GPBP1: variants seen among roughly 807,000 people sequenced by gnomAD.
GPBP1 encodes the protein GC-rich promoter binding protein 1, also known as vasculin.
GPBP1 carries 13 observed loss-of-function variants against 56.5 expected under a neutral mutation model. The ratio of observed to expected loss-of-function variants is 0.23; its 90% CI spans 0.15 to 0.37. The LOEUF is 0.37. Ranked by LOEUF, GPBP1 falls within the 10% of genes least tolerant of loss-of-function variation. GPBP1 has a pLI of 1.00. For missense variants in GPBP1, 477 were observed against 572.3 expected (o/e 0.83, Z 1.70); for synonymous variants, 204 against 188.9 (o/e 1.08, Z -0.66).
intron 2 of GPBP1, among the ~76,000 whole-genome samples, chr5:57,177,205 A>C (rs146170980): frequency 6.6e-6 from 1 of 152,162 alleles, no homozygotes; most frequent in Non-Finnish European, 1.5e-5. Context: ...ATTAATTGCT[A>C]TAATAGAAAT....
chr5:57,221,619 G>T (rs2111805288), intron 3 of GPBP1, among the ~76,000 whole-genome samples: 1 of 152,156 alleles, frequency 6.6e-6, no homozygotes, highest in Middle Eastern at 3.4e-3. Flanking sequence ...CAAAAAATGT[G>T]GTGGAACTTT....
intron 2 of GPBP1, among the ~76,000 whole-genome samples, chr5:57,194,279 T>A (rs1290583322): frequency 2.0e-5 from 3 of 152,216 alleles, no homozygotes; most frequent in Admixed American, 6.5e-5. Context: ...TGAGTGTAAT[T>A]TGAGATAATG....
chr5:57,240,695 G>A (rs377335641), intron 6 of GPBP1, among the ~76,000 whole-genome samples: 3 of 152,134 alleles, frequency 2.0e-5, no homozygotes, highest in African/African-American at 4.8e-5. Context: ...CTGTTGGGCC[G>A]GGAGTGGTGG....
intron 3 of GPBP1, among the ~76,000 whole-genome samples, chr5:57,227,068 T>G (rs1756231800): frequency 6.6e-6 from 1 of 151,698 alleles, no homozygotes; most frequent in Admixed American, 6.6e-5. Context: ...TTTTTAACTT[T>G]TGGAGGTGGA....
In GPBP1 at chr5:57,175,932, G is replaced by A; in HGVS notation, c.-526G>A. ...CTTTTTCTGAATGAAGAGATTGAAA[G>A]AATACAGAGTTTTTTTCCTTTTATC... On this transcript the variant is annotated 5_prime_UTR_variant, in exon 2 of 12. Coordinates refer to ENST00000506184, the MANE Select transcript of GPBP1 (RefSeq NM_022913.4). 2.5e-6 allele frequency: 1 copy of A among 398,518 alleles called. No individual in the cohort carries two copies. Among genetic ancestry groups the A allele is most frequent in the Non-Finnish European group, 4.4e-6 (1 of 226,010 alleles). 24.7% of individuals were successfully genotyped at this position (398,518 alleles called of 1,614,324 possible).
At chr5:57,231,396 CTCCA>C in intron 5 of GPBP1, 75 bp downstream of exon 5, 1 of 1,214,118 alleles carries the variant, frequency 8.2e-7, no homozygotes, top group Non-Finnish European at 1.2e-6. Context: ...GCCTCAGCCT[CTCCA>C]GTATCTGGGA....
chr5:57,244,857 C>G (rs1741014395), intron 6 of GPBP1, among the ~76,000 whole-genome samples: 1 of 151,636 alleles, frequency 6.6e-6, no homozygotes, highest in African/African-American at 2.4e-5. Context: ...CCTCAGCCTC[C>G]CGAGTAGCTG....
At chr5:57,199,593 G>A (rs925246978) in intron 2 of GPBP1, among the ~76,000 whole-genome samples, 22 of 151,768 alleles carry the variant, frequency 1.4e-4, no homozygotes, top group Non-Finnish European at 2.8e-4. Flanking sequence ...TGTGCACAAC[G>A]TGCAGGTTTG....
intron 3 of GPBP1, among the ~76,000 whole-genome samples, chr5:57,218,352 T>A (rs772145661): frequency 7.9e-5 from 12 of 152,134 alleles, no homozygotes; most frequent in Non-Finnish European, 1.3e-4. Context: ...ACCACCCCCA[T>A]TGGGTCTGAA....
At chr5:57,239,455 T>G (rs1393233999) in intron 6 of GPBP1, among the ~76,000 whole-genome samples, 1 of 152,208 alleles carries the variant, frequency 6.6e-6, no homozygotes, top group Non-Finnish European at 1.5e-5. Flanking sequence ...CACAGTATTG[T>G]AAACCAAAAT....
At chr5:57,247,260 A>G (rs766629005) in intron 8 of GPBP1, 45 bp downstream of exon 8, 6 of 1,485,930 alleles carry the variant, frequency 4.0e-6, no homozygotes, top group East Asian at 4.6e-5. Context: ...CATTTTAATT[A>G]TGATAGTTTA....
rs1383440706 is a variant in GPBP1 at position 57,263,561 on chromosome 5, T to A, written c.*809T>A. The A allele has an allele frequency of 1.3e-5, 2 of 152,200 alleles. No individual in the cohort carries two copies. The highest frequency in any genetic ancestry group is 2.9e-5 in the Non-Finnish European group (2 of 68,022). The allele number at this position is 152,200 out of a possible 1,614,324, so 9.4% of individuals were successfully genotyped here. A position where few individuals can be genotyped will look rare whatever the true frequency, so the allele number is the denominator to read the frequency against. On this transcript the variant is annotated 3_prime_UTR_variant, in exon 12 of 12. Coordinates refer to ENST00000506184, the MANE Select transcript of GPBP1 (RefSeq NM_022913.4). The stretch of plus-strand genomic sequence containing the variant: ...ACACTGACTGGATCTGTCCACGACA[T>A]GGAAAATAAACTGGATTTTCAGAAT...
intron 6 of GPBP1, among the ~76,000 whole-genome samples, chr5:57,240,693 C>T (rs1740785197): frequency 6.6e-6 from 1 of 152,038 alleles, no homozygotes; most frequent in African/African-American, 2.4e-5. Flanking sequence ...CACTGTTGGG[C>T]CGGGAGTGGT....
At chr5:57,200,329 T>C (rs1035809425) in intron 2 of GPBP1, among the ~76,000 whole-genome samples, 2 of 151,582 alleles carry the variant, frequency 1.3e-5, no homozygotes, top group Non-Finnish European at 2.9e-5. Flanking sequence ...TAAAGCATTG[T>C]AGTTTTTGTG....
At chr5:57,224,823 A>G (rs1015738029) in intron 3 of GPBP1, among the ~76,000 whole-genome samples, 1 of 151,898 alleles carries the variant, frequency 6.6e-6, no homozygotes, top group African/African-American at 2.4e-5. Context: ...AGCTTGGCCA[A>G]AATGGAATCT....
At chr5:57,222,190 G>A (rs796473037) in intron 3 of GPBP1, among the ~76,000 whole-genome samples, 2 of 152,022 alleles carry the variant, frequency 1.3e-5, no homozygotes, top group South Asian at 4.2e-4. Flanking sequence ...AGTGTAAGAG[G>A]GAATGGATGG....
intron 6 of GPBP1, among the ~76,000 whole-genome samples, chr5:57,240,810 A>G (rs1222858644): frequency 6.6e-6 from 1 of 152,064 alleles, no homozygotes; most frequent in African/African-American, 2.4e-5. Context: ...CCCTGTCACT[A>G]CTAAAAATAC....
intron 2 of GPBP1, among the ~76,000 whole-genome samples, chr5:57,197,097 A>AAAG (rs1754798357): frequency 6.6e-6 from 1 of 151,276 alleles, no homozygotes; most frequent in Non-Finnish European, 1.5e-5. Flanking sequence ...GAATTTTAGT[A>AAAG]GAGACAGCGT....
At chr5:57,186,998 AG>A (rs1212389255) in intron 2 of GPBP1, among the ~76,000 whole-genome samples, 17 of 138,354 alleles carry the variant, frequency 1.2e-4, no homozygotes, top group Non-Finnish European at 2.4e-4. Flanking sequence ...TTCTGGACTC[AG>A]AGAAGTGTGT....
Sources: allele counts gnomAD v4.1 joint callset (sites outside exome capture counted in the v4.1 genomes callset), GRCh38; gene constraint gnomAD v4.1.1; transcripts MANE v1.5; gene names NCBI Gene and HGNC (gene_info 2026-07-23, HGNC 2026-07-21).